LRRC4C: variants seen among roughly 807,000 people sequenced by gnomAD.
LRRC4C encodes the protein leucine rich repeat containing 4C.
A neutral mutation model predicts 33.6 loss-of-function variants in LRRC4C; 5 were observed. That is an observed-to-expected ratio of 0.15 (90% CI 0.08 to 0.31). The LOEUF (loss-of-function observed/expected upper bound fraction) is 0.31. Ranked by LOEUF, LRRC4C falls within the 10% of genes least tolerant of loss-of-function variation. The pLI is 1.00. For missense variants in LRRC4C, 560 were observed against 796.7 expected (o/e 0.70, Z 3.58); for synonymous variants, 329 against 302.0 (o/e 1.09, Z -0.93).
intron 1 of LRRC4C, among the ~76,000 whole-genome samples, chr11:41,123,261 G>GTTTTTTTTTTT (rs1217714729): frequency 1.2e-4 from 6 of 48,086 alleles, no homozygotes; most frequent in African/African-American, 3.5e-4. Context: ...GCTATGTTTT[G>GTTTTTTTTTTT]TTTTTTTTTT....
At chr11:41,232,399 AC>A (rs1947842452) in intron 1 of LRRC4C, among the ~76,000 whole-genome samples, 1 of 152,042 alleles carries the variant, frequency 6.6e-6, no homozygotes, top group African/African-American at 2.4e-5. Flanking sequence ...TGTTAGTGGC[AC>A]TTGTTTCCCA....
At chr11:41,401,080 G>A (rs1378596263) in intron 1 of LRRC4C, among the ~76,000 whole-genome samples, 3 of 151,900 alleles carry the variant, frequency 2.0e-5, no homozygotes. Flanking sequence ...AAGACTGTAT[G>A]TTGAAGATAT....
At chr11:40,896,672 T>C (rs910565716) in intron 2 of LRRC4C, among the ~76,000 whole-genome samples, 9 of 152,026 alleles carry the variant, frequency 5.9e-5, no homozygotes, top group Non-Finnish European at 8.8e-5. Context: ...TGCAAATATA[T>C]ATAATATATG....
In LRRC4C at chr11:40,116,468, C is replaced by G. The variant is rs1044961825; in HGVS notation, c.-42-134G>C. 69 of 925,844 alleles carry G rather than the reference C, an allele frequency of 7.5e-5. No individual in the cohort carries two copies. The African/African-American group carries it at 1.1e-3, about 15-fold the overall frequency. The allele number at this position is 925,844 out of a possible 1,614,324, so 57.4% of individuals were successfully genotyped here. On this transcript the variant is annotated intron_variant, in intron 6 of 6. Coordinates refer to ENST00000528697, the MANE Select transcript of LRRC4C (RefSeq NM_001258419.2). ...GACAAATTAAAAACAAATCTAATATCCTTTATTAAGCTATGTGGTTCATAT... is the reference window on the plus strand; with the variant it reads ...GACAAATTAAAAACAAATCTAATATGCTTTATTAAGCTATGTGGTTCATAT...
chr11:40,423,747 A>G (rs998568018), intron 3 of LRRC4C, among the ~76,000 whole-genome samples: 9 of 152,150 alleles, frequency 5.9e-5, no homozygotes, highest in African/African-American at 1.4e-4. Flanking sequence ...TTATTAACCA[A>G]TGTTGGAACT....
chr11:41,086,845 A>G (rs1286060422), intron 1 of LRRC4C, among the ~76,000 whole-genome samples: 3 of 152,000 alleles, frequency 2.0e-5, no homozygotes, highest in African/African-American at 7.2e-5. Flanking sequence ...TATGGAATAA[A>G]GCCAAACAAG....
In LRRC4C at chr11:40,175,670, T is replaced by C. The variant is rs1443166793; in HGVS notation, c.-95-34817A>G. Among the ~76,000 whole-genome samples the C allele has an allele frequency of 5.3e-5, 8 of 152,078 alleles. No homozygotes were observed. The East Asian group carries it at 1.5e-3, about 29-fold the overall frequency. ...CAAAGGCTGGCTTGTCCTTGATGAG[T>C]ACCAGGAAATTAAATAATTCCAAAG... On this transcript the variant is annotated intron_variant, in intron 5 of 6. Coordinates refer to ENST00000528697, the MANE Select transcript of LRRC4C (RefSeq NM_001258419.2).
chr11:40,355,256 C>T (rs1253770776), intron 3 of LRRC4C, among the ~76,000 whole-genome samples: 1 of 152,086 alleles, frequency 6.6e-6, no homozygotes, highest in Non-Finnish European at 1.5e-5. Context: ...GAAGTCTTTC[C>T]TGGAGCTGCA....
rs988129504 is a variant in LRRC4C, at chr11:40,521,734, T to C, written c.-270+126408A>G. 5.0e-4 allele frequency among the ~76,000 whole-genome samples: 76 copies of C among 152,062 alleles called. 1 individual carries two copies. Among genetic ancestry groups the C allele is most frequent in the Non-Finnish European group, 9.6e-4 (65 of 68,024 alleles). ...AAATACAGAAATTAGCTGGGCATTG[T>C]GGTGTGCGCCTGTAGTCCCAGCTAC... On this transcript the variant is annotated intron_variant, in intron 3 of 6. Coordinates refer to ENST00000528697, the MANE Select transcript of LRRC4C (RefSeq NM_001258419.2).
chr11:40,981,178 G>A (rs1852493957), intron 1 of LRRC4C, among the ~76,000 whole-genome samples: 2 of 152,150 alleles, frequency 1.3e-5, no homozygotes, highest in South Asian at 4.1e-4. Context: ...CACTTTGAGA[G>A]GCCGAGACGG....
chr11:40,568,549 A>G (rs925343327), intron 3 of LRRC4C, among the ~76,000 whole-genome samples: 2 of 152,232 alleles, frequency 1.3e-5, no homozygotes, highest in Admixed American at 6.5e-5. Context: ...TATAATTTCT[A>G]TAACAGCTCC....
chr11:41,277,790 T>G (rs2136901963), intron 1 of LRRC4C, among the ~76,000 whole-genome samples: 1 of 152,218 alleles, frequency 6.6e-6, no homozygotes, highest in South Asian at 2.1e-4. Context: ...TTTTTTCAAG[T>G]TCCGTGAGTA....
chr11:40,316,003 G>T (rs1011826188), intron 4 of LRRC4C, among the ~76,000 whole-genome samples: 3 of 151,962 alleles, frequency 2.0e-5, no homozygotes, highest in Non-Finnish European at 4.4e-5. Flanking sequence ...GGGCATGTTT[G>T]TTCTATTAGC....
intron 4 of LRRC4C, among the ~76,000 whole-genome samples, chr11:40,310,793 T>G (rs915601757): frequency 2.0e-5 from 3 of 152,188 alleles, no homozygotes; most frequent in Non-Finnish European, 4.4e-5. Flanking sequence ...TAAAAGGACT[T>G]TGGTTTACTT....
intron 1 of LRRC4C, among the ~76,000 whole-genome samples, chr11:41,361,218 T>C (rs1481406101): frequency 1.3e-5 from 2 of 152,206 alleles, no homozygotes; most frequent in Non-Finnish European, 2.9e-5. Flanking sequence ...GAATCGTGTT[T>C]GGAAAAGAAA....
At chr11:40,547,601 G>C (rs1956975596) in intron 3 of LRRC4C, among the ~76,000 whole-genome samples, 1 of 152,018 alleles carries the variant, frequency 6.6e-6, no homozygotes, top group African/African-American at 2.4e-5. Context: ...TTTTCAAAAA[G>C]ATGAAACACA....
At chr11:40,221,812 G>T (rs4756585) in intron 5 of LRRC4C, among the ~76,000 whole-genome samples, 112,682 of 151,778 alleles carry the variant, frequency 0.74, 45,888 homozygotes, top group East Asian at 0.96. Flanking sequence ...CCCCAGTCAC[G>T]TACCCCCTGC....
At chr11:41,176,724 A>G (rs932965187) in intron 1 of LRRC4C, among the ~76,000 whole-genome samples, 6 of 152,132 alleles carry the variant, frequency 3.9e-5, no homozygotes, top group African/African-American at 1.4e-4. Flanking sequence ...AGTCTTTGGG[A>G]GGCTGACGCA....
chr11:40,698,460 C>CT (rs1046921659), intron 2 of LRRC4C, among the ~76,000 whole-genome samples: 5 of 150,730 alleles, frequency 3.3e-5, no homozygotes, highest in African/African-American at 1.2e-4. Context: ...TTTTTTTTTC[C>CT]TTTTTTTCTT....
Sources: gnomAD v4.1 joint callset for allele counts (sites outside exome capture counted in the v4.1 genomes callset) on GRCh38, gnomAD v4.1.1 for gene constraint, MANE v1.5 for transcripts, NCBI Gene and HGNC (gene_info 2026-07-23, HGNC 2026-07-21) for gene names.